PDE4B: variants seen among roughly 807,000 people sequenced by gnomAD.
The protein encoded by PDE4B is phosphodiesterase 4B.
PDE4B carries 20 observed loss-of-function variants against 82.2 expected under a neutral mutation model. That is an observed-to-expected ratio of 0.24 (90% CI 0.17 to 0.35). PDE4B has a LOEUF of 0.35. Ranked by LOEUF, PDE4B falls within the 10% of genes least tolerant of loss-of-function variation. PDE4B has a pLI of 1.00. For synonymous variants in PDE4B, 320 were observed against 318.9 expected, an observed-to-expected ratio of 1.00 and a Z score of -0.04; for missense variants, 655 against 907.2, an observed-to-expected ratio of 0.72 and a Z score of 3.57.
intron 1 of PDE4B, among the ~76,000 whole-genome samples, chr1:65,872,944 G>A (rs1311972549): frequency 6.6e-6 from 1 of 152,118 alleles, no homozygotes; most frequent in African/African-American, 2.4e-5. Context: ...GACCTGCAGA[G>A]CTAGCATTGG....
intron 7 of PDE4B, among the ~76,000 whole-genome samples, chr1:66,306,839 T>C (rs1433922435): frequency 1.3e-5 from 2 of 152,150 alleles, no homozygotes; most frequent in Non-Finnish European, 2.9e-5. Context: ...TAAGATGGGC[T>C]GTCTTATGAT....
At chr1:65,958,158 G>A (rs1051135491) in intron 3 of PDE4B, among the ~76,000 whole-genome samples, 52 of 151,890 alleles carry the variant, frequency 3.4e-4, no homozygotes, top group African/African-American at 1.2e-3. Context: ...CGCTTTTTGC[G>A]TTCTTAGCTT....
chr1:66,292,529 T>C lies in PDE4B; in HGVS notation c.634+26442T>C, dbSNP rs17128739. On this transcript the variant is annotated intron_variant, in intron 7 of 16. Coordinates refer to ENST00000341517, the MANE Select transcript of PDE4B (RefSeq NM_002600.4). ...AAGATGAGTTTAATAATACTGACTT[T>C]GCATGGTTATTGTAAAAATGACAGA... Among the ~76,000 whole-genome samples the C allele has an allele frequency of 9.9e-3, 1,515 of 152,278 alleles. 30 individuals are homozygous for C. Among genetic ancestry groups the C allele is most frequent in the African/African-American group, 0.035 (1,448 of 41,556 alleles).
intron 1 of PDE4B, among the ~76,000 whole-genome samples, chr1:65,899,417 T>C (rs1010627625): frequency 6.6e-6 from 1 of 151,930 alleles, no homozygotes; most frequent in Non-Finnish European, 1.5e-5. Context: ...GTGTGGAGAT[T>C]CCTTAAAGAA....
chr1:66,162,305 CTTTTTTTTTT>C (rs1168144080), intron 3 of PDE4B, among the ~76,000 whole-genome samples: 6 of 40,306 alleles, frequency 1.5e-4, no homozygotes, highest in Admixed American at 1.3e-3. Flanking sequence ...ATGGACTTCT[CTTTTTTTTTT>C]TTTTTTTTTT....
chr1:65,843,556 T>C (rs192394463), intron 1 of PDE4B, among the ~76,000 whole-genome samples: 13 of 152,310 alleles, frequency 8.5e-5, no homozygotes, highest in Non-Finnish European at 1.5e-4. Flanking sequence ...AGAATGTTCA[T>C]TGGTGTATAT....
chr1:66,191,533 G>T (rs1196827476), intron 3 of PDE4B, among the ~76,000 whole-genome samples: 1 of 152,122 alleles, frequency 6.6e-6, no homozygotes, highest in Non-Finnish European at 1.5e-5. Context: ...CACATAATCA[G>T]ATTACTGTCG....
chr1:66,088,703 C>A (rs1326116740), intron 3 of PDE4B, among the ~76,000 whole-genome samples: 1 of 152,074 alleles, frequency 6.6e-6, no homozygotes, highest in Non-Finnish European at 1.5e-5. Context: ...ACTTGGGCTT[C>A]AGAGCCTAGT....
chr1:66,090,659 ATG>A (rs1220171437), intron 3 of PDE4B, among the ~76,000 whole-genome samples: 4 of 24,278 alleles, frequency 1.6e-4, no homozygotes, highest in African/African-American at 2.2e-4. Context: ...ATATATATGT[ATG>A]TATATATGTG....
chr1:65,842,797 T>G (rs1402761546), intron 1 of PDE4B, among the ~76,000 whole-genome samples: 1 of 152,170 alleles, frequency 6.6e-6, no homozygotes, highest in African/African-American at 2.4e-5. Flanking sequence ...GTATTTATTT[T>G]CAAATCACTA....
At position 65,797,175 on chromosome 1, in the gene PDE4B, C is replaced by T. The variant is rs61797030; in HGVS notation, c.-71+3927C>T. On this transcript the variant is annotated intron_variant, in intron 1 of 16. Coordinates refer to ENST00000341517, the MANE Select transcript of PDE4B (RefSeq NM_002600.4). The stretch of plus-strand genomic sequence containing the variant: ...TTCACCATGTTAGCCAGGATGGTCT[C>T]GATCTTCTGACCTCGTGATCCACCT... Among the ~76,000 whole-genome samples, 642 of 152,024 alleles carry T rather than the reference C, an allele frequency of 4.2e-3. 1 individual carries two copies. The highest frequency in any genetic ancestry group is 6.6e-3 in the Non-Finnish European group (448 of 67,974).
chr1:66,355,258 T>A (rs1662147190), intron 8 of PDE4B: 2 of 386,288 alleles, frequency 5.2e-6, no homozygotes, highest in Non-Finnish European at 4.6e-6. Context: ...TGGAATTATC[T>A]TGACCTCTAT....
chr1:65,960,257 G>A (rs563182294), intron 3 of PDE4B, among the ~76,000 whole-genome samples: 26 of 152,080 alleles, frequency 1.7e-4, no homozygotes, highest in Non-Finnish European at 2.9e-4. Flanking sequence ...GTGTGGCAGC[G>A]CAGTAAATTC....
intron 3 of PDE4B, among the ~76,000 whole-genome samples, chr1:66,184,052 A>G (rs1647128727): frequency 1.3e-5 from 2 of 152,184 alleles, no homozygotes; most frequent in South Asian, 4.1e-4. Flanking sequence ...GATGGGAATG[A>G]CACAAACAAT....
intron 7 of PDE4B, among the ~76,000 whole-genome samples, chr1:66,314,365 T>G (rs898011849): frequency 6.6e-6 from 1 of 152,176 alleles, no homozygotes; most frequent in African/African-American, 2.4e-5. Flanking sequence ...TCCAAACTTC[T>G]TGGTCTCATT....
intron 3 of PDE4B, among the ~76,000 whole-genome samples, chr1:66,101,147 G>T (rs1645215490): frequency 6.6e-6 from 1 of 152,012 alleles, no homozygotes; most frequent in South Asian, 2.1e-4. Flanking sequence ...CATCTTCCTA[G>T]AAAGGACATA....
intron 3 of PDE4B, among the ~76,000 whole-genome samples, chr1:66,215,974 T>C (rs1650423486): frequency 6.6e-6 from 1 of 152,044 alleles, no homozygotes; most frequent in South Asian, 2.1e-4. Context: ...TGGAATGTAG[T>C]TCCAAAACTG....
At chr1:66,343,100 G>T (rs939839338) in intron 8 of PDE4B, among the ~76,000 whole-genome samples, 2 of 152,018 alleles carry the variant, frequency 1.3e-5, no homozygotes, top group African/African-American at 4.8e-5. Flanking sequence ...CTAAAATGGA[G>T]ATTTTATTGA....
At chr1:66,342,145 G>A (rs1661035178) in intron 8 of PDE4B, among the ~76,000 whole-genome samples, 1 of 152,000 alleles carries the variant, frequency 6.6e-6, no homozygotes, top group African/African-American at 2.4e-5. Flanking sequence ...TTAAATGTCG[G>A]GAAAAATCAA....
Sources: allele counts gnomAD v4.1 joint callset (sites outside exome capture counted in the v4.1 genomes callset), GRCh38; gene constraint gnomAD v4.1.1; transcripts MANE v1.5; gene names NCBI Gene and HGNC (gene_info 2026-07-23, HGNC 2026-07-21).